The following SORCS1 variants were observed in gnomAD, a reference collection of about 807,000 sequenced individuals.
SORCS1 encodes the protein VPS10 domain-containing receptor SorCS1.
In SORCS1, 60 loss-of-function variants were observed where a neutral mutation model predicts 146.1. The ratio of observed to expected loss-of-function variants is 0.41; its 90% confidence interval spans 0.33 to 0.51. SORCS1 has a LOEUF of 0.51. Ranked by LOEUF, SORCS1 falls within the 20% of genes least tolerant of loss-of-function variation. The probability of loss-of-function intolerance (pLI) is 0.21; values close to 1 mark genes in which losing one functional copy is unlikely to be tolerated. For synonymous variants in SORCS1, 637 were observed against 584.0 expected (o/e 1.09, Z -1.31); for missense variants, 1,352 against 1,487.6 (o/e 0.91, Z 1.50).
At chr10:107,118,651 T>A (rs1326459613) in intron 1 of SORCS1, among the ~76,000 whole-genome samples, 4 of 152,178 alleles carry the variant, frequency 2.6e-5, no homozygotes, top group African/African-American at 7.2e-5. Context: ...GATATCTAGG[T>A]AAATAATATC....
intron 9 of SORCS1, among the ~76,000 whole-genome samples, chr10:106,691,303 G>A (rs1398037115): frequency 1.3e-5 from 2 of 152,166 alleles, no homozygotes; most frequent in African/African-American, 4.8e-5. Context: ...ACATCCCACT[G>A]TTGGAAGTCT....
At chr10:106,620,352 A>G in intron 20 of SORCS1, 76 bp downstream of exon 20, 2 of 1,544,616 alleles carry the variant, frequency 1.3e-6, no homozygotes, top group South Asian at 2.5e-5. Context: ...TTCATAAGCC[A>G]TTTCATTCCC....
At chr10:106,848,979 T>C (rs1271541281) in intron 2 of SORCS1, among the ~76,000 whole-genome samples, 4 of 151,140 alleles carry the variant, frequency 2.6e-5, no homozygotes, top group African/African-American at 7.3e-5. Context: ...GGGCTTCCCT[T>C]TGAGGGTAAC....
At chr10:107,114,239 A>G (rs746733698) in intron 1 of SORCS1, among the ~76,000 whole-genome samples, 1 of 152,208 alleles carries the variant, frequency 6.6e-6, no homozygotes, top group Non-Finnish European at 1.5e-5. Context: ...CTTTCAAAAA[A>G]TTAAAGAGGA....
chr10:107,052,762 A>G (rs1195400268), intron 1 of SORCS1, among the ~76,000 whole-genome samples: 1 of 152,122 alleles, frequency 6.6e-6, no homozygotes, highest in Non-Finnish European at 1.5e-5. Flanking sequence ...TCTGTTCTAT[A>G]ATGGGAATTT....
intron 14 of SORCS1, 77 bp from the exon 15 acceptor site, chr10:106,673,062 G>A: frequency 8.4e-7 from 1 of 1,190,038 alleles, no homozygotes; most frequent in Non-Finnish European, 1.2e-6. Context: ...GCATTTGTGG[G>A]GCGTTCACCC....
chr10:106,736,907 C>T (rs977726004), intron 5 of SORCS1, among the ~76,000 whole-genome samples: 1 of 152,174 alleles, frequency 6.6e-6, no homozygotes, highest in African/African-American at 2.4e-5. Flanking sequence ...TGCTTAATCT[C>T]CTCAATGCAC....
intron 19 of SORCS1, among the ~76,000 whole-genome samples, chr10:106,626,419 C>G (rs1319614018): frequency 6.6e-6 from 1 of 152,156 alleles, no homozygotes; most frequent in African/African-American, 2.4e-5. Flanking sequence ...GAACCAAAAT[C>G]TGGACCTAGT....
intron 2 of SORCS1, among the ~76,000 whole-genome samples, chr10:106,921,492 T>C (rs1481175678): frequency 6.6e-6 from 1 of 152,238 alleles, no homozygotes; most frequent in African/African-American, 2.4e-5. Flanking sequence ...CATTTCAATA[T>C]TCTTTATCTG....
intron 3 of SORCS1, among the ~76,000 whole-genome samples, chr10:106,795,074 G>C (rs906970237): frequency 1.3e-5 from 2 of 152,156 alleles, no homozygotes; most frequent in African/African-American, 2.4e-5. Context: ...TGATTTGATG[G>C]AGCTAACACA....
chr10:106,935,632 G>C (rs1007789306), intron 2 of SORCS1, among the ~76,000 whole-genome samples: 1 of 152,206 alleles, frequency 6.6e-6, no homozygotes, highest in African/African-American at 2.4e-5. Context: ...TAGAATGTTA[G>C]AGCTAGGTTG....
chr10:106,785,740 C>T lies in SORCS1; in HGVS notation c.727-9048G>A, dbSNP rs540227004. ...GAGACCACCAGGGATTTCTCTTATA[C>T]AGGATTTGCAGATTAGTGAAGTGAG... On this transcript the variant is annotated intron_variant, in intron 3 of 25. Transcript: ENST00000263054. 3.3e-5 allele frequency among the ~76,000 whole-genome samples: 5 copies of T among 152,288 alleles called. No homozygotes were observed. In the South Asian group the frequency reaches 1.0e-3, roughly 32 times the overall value.
intron 23 of SORCS1, among the ~76,000 whole-genome samples, chr10:106,601,587 C>T (rs1324990555): frequency 1.3e-5 from 2 of 152,140 alleles, no homozygotes; most frequent in African/African-American, 2.4e-5. Flanking sequence ...CTTCTTCACA[C>T]AAGAGGAAGA....
intron 3 of SORCS1, among the ~76,000 whole-genome samples, chr10:106,821,469 A>G (rs1004287368): frequency 6.6e-6 from 1 of 152,260 alleles, no homozygotes; most frequent in African/African-American, 2.4e-5. Flanking sequence ...TAACATATAA[A>G]CTTGATCATC....
At chr10:106,582,708 C>T (rs754381181) in intron 24 of SORCS1, among the ~76,000 whole-genome samples, 8 of 151,966 alleles carry the variant, frequency 5.3e-5, no homozygotes, top group Non-Finnish European at 1.2e-4. Flanking sequence ...TGCCATTATT[C>T]ATGCACAAAG....
intron 1 of SORCS1, among the ~76,000 whole-genome samples, chr10:107,033,411 C>T (rs1394964455): frequency 2.0e-5 from 3 of 152,118 alleles, no homozygotes; most frequent in Admixed American, 6.5e-5. Context: ...CATGCTTTCC[C>T]GATCTTATTT....
At chr10:106,807,284 T>C (rs1264373176) in intron 3 of SORCS1, among the ~76,000 whole-genome samples, 1 of 152,206 alleles carries the variant, frequency 6.6e-6, no homozygotes, top group African/African-American at 2.4e-5. Context: ...AATGTTTGTG[T>C]GTAGACAGAG....
chr10:106,748,611 A>AT (rs35988008), intron 5 of SORCS1, among the ~76,000 whole-genome samples: 83 of 151,062 alleles, frequency 5.5e-4, no homozygotes, highest in Middle Eastern at 3.4e-3. Context: ...AATTGGCAGC[A>AT]TTTTTTTTTG....
At position 106,712,526 on chromosome 10, in the gene SORCS1, A is replaced by G. The variant is rs146867654; in HGVS notation, c.1025-3185T>C. Among the ~76,000 whole-genome samples, 251 of 152,348 alleles carry G rather than the reference A, an allele frequency of 1.6e-3. 1 individual carries two copies. The highest frequency in any genetic ancestry group is 5.3e-3 in the African/African-American group (220 of 41,588). ...AAAGAAAGCATAAACATCATGTTCT[A>G]TGGGACAACTGGGCCAATTTCACTG... On this transcript the variant is annotated intron_variant, in intron 6 of 25. Transcript: ENST00000263054.
Sources: allele counts gnomAD v4.1 joint callset (sites outside exome capture counted in the v4.1 genomes callset), GRCh38; gene constraint gnomAD v4.1.1; transcripts MANE v1.5; gene names NCBI Gene and HGNC (gene_info 2026-07-23, HGNC 2026-07-21).